CRYBG1: variants seen among roughly 807,000 people sequenced by gnomAD.
The protein encoded by CRYBG1 is crystallin beta-gamma domain containing 1.
A neutral mutation model predicts 189.2 loss-of-function variants in CRYBG1; 139 were observed. The observed-to-expected ratio is 0.73, with a 90% CI of 0.64 to 0.85. The LOEUF (loss-of-function observed/expected upper bound fraction) is 0.85, where lower values mean the gene tolerates loss of function less well. Among genes scored for constraint, CRYBG1 ranks in the 40% least tolerant of loss-of-function variants. The probability of loss-of-function intolerance (pLI) is 0.00; values close to 1 mark genes in which losing one functional copy is unlikely to be tolerated. For missense variants in CRYBG1, 2,611 were observed against 2,675.8 expected (o/e 0.98, Z 0.53); for synonymous variants, 1,023 against 1,017.1 (o/e 1.01, Z -0.11).
rs1775060599 is a variant in CRYBG1, at chr6:106,571,597, G to A, written c.*3031G>A. The A allele has an allele frequency of 5.9e-6, 1 of 170,410 alleles. No individual in the cohort carries two copies. Among genetic ancestry groups the A allele is most frequent in the South Asian group, 1.3e-4 (1 of 7,750 alleles). The allele number at this position is 170,410 out of a possible 1,614,324, so 10.6% of individuals were successfully genotyped here. On this transcript the variant is annotated 3_prime_UTR_variant, in exon 22 of 22. Transcript: ENST00000633556. Reference sequence around the variant, plus strand: ...ACCTGTAGTCCTACCTACTTGAGAGGCTGAAGCAGGAGAATCGCTTAAGGT... The same window carrying A: ...ACCTGTAGTCCTACCTACTTGAGAGACTGAAGCAGGAGAATCGCTTAAGGT...
chr6:106,427,844 C>G (rs1469023998), intron 1 of CRYBG1, among the ~76,000 whole-genome samples: 1 of 152,144 alleles, frequency 6.6e-6, no homozygotes, highest in Non-Finnish European at 1.5e-5. Flanking sequence ...CACCTCCTGC[C>G]TCTGTCTGCC....
At chr6:106,485,805 C>A (rs1649224239) in intron 2 of CRYBG1, among the ~76,000 whole-genome samples, 1 of 152,158 alleles carries the variant, frequency 6.6e-6, no homozygotes, top group African/African-American at 2.4e-5. Flanking sequence ...ATCCTTGCAT[C>A]CCTGGGATGA....
intron 2 of CRYBG1, among the ~76,000 whole-genome samples, chr6:106,477,351 G>A (rs763186915): frequency 2.0e-5 from 3 of 152,190 alleles, no homozygotes; most frequent in Admixed American, 6.5e-5. Flanking sequence ...TTAGAGACAT[G>A]AAGGAAGTGG....
chr6:106,512,696 G>T lies in CRYBG1; in HGVS notation c.1579G>T (p.Ala527Ser). 1 of 1,542,792 alleles carries T rather than the reference G, an allele frequency of 6.5e-7. No homozygotes were observed. The highest frequency in any genetic ancestry group is 2.4e-5 in the East Asian group (1 of 41,312). The change falls in exon 3 of 22, where the codon GCC becomes TCC. Residue 527 changes from alanine (A) to serine (S), a missense_variant. Transcript: ENST00000633556. ...GAGCCGTGCCCTCGAGGCCGTGCCC[G>T]CCCCGCCCGCCAGCGGCCCCCGGGC... is the stretch of plus-strand genomic sequence containing the variant. ...GRSRALEAVPAPPASGPRAPA... is the reference protein window; with the variant it reads ...GRSRALEAVPSPPASGPRAPA...
intron 1 of CRYBG1, among the ~76,000 whole-genome samples, chr6:106,373,164 G>T (rs576158): frequency 0.55 from 83,939 of 152,038 alleles, 24,555 homozygotes; most frequent in East Asian, 0.73. Context: ...TGTACAGAAG[G>T]GTATCCAGGA....
chr6:106,465,018 G>A (rs897444272), intron 2 of CRYBG1, among the ~76,000 whole-genome samples: 3 of 152,008 alleles, frequency 2.0e-5, no homozygotes, highest in African/African-American at 7.3e-5. Flanking sequence ...AAATATACCT[G>A]ATCAATATTT....
chr6:106,367,322 C>T (rs1432496205), intron 1 of CRYBG1, among the ~76,000 whole-genome samples: 2 of 152,078 alleles, frequency 1.3e-5, no homozygotes, highest in Non-Finnish European at 2.9e-5. Context: ...GGTGTGGTGG[C>T]TCACACCTGT....
intron 1 of CRYBG1, among the ~76,000 whole-genome samples, chr6:106,383,216 G>A (rs142743774): frequency 1.1e-3 from 173 of 152,244 alleles, no homozygotes; most frequent in African/African-American, 3.7e-3. Flanking sequence ...TCACTCAGGT[G>A]TAAAAAGCAG....
intron 2 of CRYBG1, among the ~76,000 whole-genome samples, chr6:106,487,815 T>C (rs77563349): frequency 0.021 from 3,129 of 152,316 alleles, 51 homozygotes; most frequent in South Asian, 0.059. Context: ...AATATCATTT[T>C]TGGGAGGATC....
At chr6:106,433,775 A>G (rs1398218440) in intron 1 of CRYBG1, among the ~76,000 whole-genome samples, 15 of 139,806 alleles carry the variant, frequency 1.1e-4, no homozygotes, top group African/African-American at 4.0e-4. Context: ...ATATATATGT[A>G]TATATATATA....
At chr6:106,422,008 C>T (rs111878321) in intron 1 of CRYBG1, among the ~76,000 whole-genome samples, 13 of 152,302 alleles carry the variant, frequency 8.5e-5, no homozygotes, top group African/African-American at 3.1e-4. Context: ...TCATCTCCCA[C>T]CAGGTCCCTC....
chr6:106,467,077 T>C (rs1212481539), intron 2 of CRYBG1, among the ~76,000 whole-genome samples: 1 of 152,124 alleles, frequency 6.6e-6, no homozygotes. Context: ...AGTCAAGAGA[T>C]TTCATGATAA....
In CRYBG1 at chr6:106,551,989, A is replaced by G. The variant is rs990909015; in HGVS notation, c.5439+11A>G. The G allele has an allele frequency of 3.1e-6, 5 of 1,589,014 alleles. No homozygotes were observed. Among genetic ancestry groups the G allele is most frequent in the Admixed American group, 3.7e-5 (2 of 53,882 alleles). Reference sequence around the variant, plus strand: ...CAACCTATATGTTTGGTAAGGAGTTATATTTTTGTATGAGAATATTTAACT... The same window carrying G: ...CAACCTATATGTTTGGTAAGGAGTTGTATTTTTGTATGAGAATATTTAACT... On this transcript the variant is annotated intron_variant, in intron 14 of 21. Coordinates refer to ENST00000633556, the MANE Select transcript of CRYBG1 (RefSeq NM_001371242.2).
Position 106,451,768 on chromosome 6 carries a change from AG to A in CRYBG1, c.249del (p.Gln83HisfsTer15). The A allele has an allele frequency of 6.5e-7, 1 of 1,534,928 alleles. No individual in the cohort carries two copies. The highest frequency in any genetic ancestry group is 8.7e-7 in the Non-Finnish European group (1 of 1,146,354). On this transcript the variant is annotated frameshift_variant, in exon 2 of 22. Transcript: ENST00000633556. LOFTEE classifies it high-confidence loss of function. ...QEFPLHCGES[Q>X]FFHTTSEALG... ...TTTCCACTGCACTGTGGGGAATCCCAGTTCTTCCACACCACCAGTGAGGCGC... is the reference window on the plus strand; with the variant it reads ...TTTCCACTGCACTGTGGGGAATCCCATTCTTCCACACCACCAGTGAGGCGC...
chr6:106,426,790 C>G (rs9486335), intron 1 of CRYBG1, among the ~76,000 whole-genome samples: 7,823 of 152,242 alleles, frequency 0.051, 617 homozygotes, highest in African/African-American at 0.17. Context: ...CCAGAGAAGT[C>G]ACTGTCTCCA....
chr6:106,386,003 C>CAAA (rs1770381576), intron 1 of CRYBG1, among the ~76,000 whole-genome samples: 2 of 152,058 alleles, frequency 1.3e-5, no homozygotes, highest in Admixed American at 1.3e-4. Context: ...ACAACAACAA[C>CAAA]AAAAAACCTC....
intron 21 of CRYBG1, among the ~76,000 whole-genome samples, chr6:106,567,336 C>G (rs1052848958): frequency 6.6e-6 from 1 of 152,078 alleles, no homozygotes; most frequent in Non-Finnish European, 1.5e-5. Context: ...CCCTTGTATT[C>G]TATAGTACAT....
intron 1 of CRYBG1, among the ~76,000 whole-genome samples, chr6:106,414,994 A>G (rs898274688): frequency 3.9e-5 from 6 of 152,210 alleles, no homozygotes; most frequent in Admixed American, 6.5e-5. Flanking sequence ...CAGGATTTTG[A>G]AGAAATCCTC....
At chr6:106,391,454 A>G (rs1159817126) in intron 1 of CRYBG1, among the ~76,000 whole-genome samples, 1 of 151,786 alleles carries the variant, frequency 6.6e-6, no homozygotes, top group Non-Finnish European at 1.5e-5. Context: ...TTTAATTTCT[A>G]TTTTCCTAAT....
Sources: allele counts gnomAD v4.1 joint callset (sites outside exome capture counted in the v4.1 genomes callset), GRCh38; gene constraint gnomAD v4.1.1; transcripts MANE v1.5; gene names NCBI Gene and HGNC (gene_info 2026-07-23, HGNC 2026-07-21).